RORA: variants seen among roughly 807,000 people sequenced by gnomAD.
RORA encodes the protein RAR related orphan receptor A.
In RORA, 7 loss-of-function variants were observed where a neutral mutation model predicts 69.5. The observed-to-expected ratio is 0.10, with a 90% CI of 0.06 to 0.19. The LOEUF is 0.19. Among genes scored for constraint, RORA ranks in the 10% least tolerant of loss-of-function variants. The pLI is 1.00. For missense variants in RORA, 457 were observed against 663.0 expected (o/e 0.69, Z 3.41); for synonymous variants, 261 against 240.8 (o/e 1.08, Z -0.78).
intron 1 of RORA, among the ~76,000 whole-genome samples, chr15:60,912,395 C>T (rs1891753334): frequency 6.6e-6 from 1 of 151,968 alleles, no homozygotes; most frequent in African/African-American, 2.4e-5. Flanking sequence ...CTATTCCATC[C>T]AGCCTGGGCA....
chr15:60,855,243 A>G lies in RORA; in HGVS notation c.167-176557T>C, dbSNP rs1299659358. Among the ~76,000 whole-genome samples, 4 of 152,204 alleles carry G rather than the reference A, an allele frequency of 2.6e-5. No homozygotes were observed. The East Asian group carries it at 5.8e-4, about 22-fold the overall frequency. On this transcript the variant is annotated intron_variant, in intron 1 of 10. Coordinates refer to ENST00000335670, the MANE Select transcript of RORA (RefSeq NM_134261.3). ...GGAATGAGACGTCTCCTGGCCTTTC[A>G]TGTTGCAAACTAGATGGAGAGACAC...
At chr15:60,625,616 T>A (rs938091292) in intron 2 of RORA, among the ~76,000 whole-genome samples, 3 of 152,248 alleles carry the variant, frequency 2.0e-5, no homozygotes, top group Non-Finnish European at 2.9e-5. Flanking sequence ...TATCATACAG[T>A]TGTTAAAAAG....
At chr15:61,157,135 T>C (rs1479154784) in intron 1 of RORA, among the ~76,000 whole-genome samples, 2 of 152,212 alleles carry the variant, frequency 1.3e-5, no homozygotes, top group Non-Finnish European at 2.9e-5. Flanking sequence ...ACTTAGTAAA[T>C]GTTCGCAGGA....
chr15:60,863,693 T>G (rs968875672), intron 1 of RORA, among the ~76,000 whole-genome samples: 5 of 152,264 alleles, frequency 3.3e-5, no homozygotes, highest in African/African-American at 1.2e-4. Context: ...TTAAACTGTT[T>G]AGTAGACTGT....
At chr15:60,646,233 A>G (rs1021244825) in intron 2 of RORA, among the ~76,000 whole-genome samples, 5 of 152,248 alleles carry the variant, frequency 3.3e-5, no homozygotes, top group Non-Finnish European at 5.9e-5. Flanking sequence ...AACCTCTACC[A>G]TAGCTGCCCA....
intron 1 of RORA, among the ~76,000 whole-genome samples, chr15:61,014,503 C>CT (rs1216998580): frequency 6.6e-6 from 1 of 152,154 alleles, no homozygotes. Context: ...ATTGAGGTCA[C>CT]TTTGACTTCT....
intron 1 of RORA, among the ~76,000 whole-genome samples, chr15:61,129,751 C>T (rs752063643): frequency 4.6e-5 from 7 of 152,200 alleles, no homozygotes; most frequent in Non-Finnish European, 1.0e-4. Context: ...AAGAGAAGGA[C>T]AATGCTTCCA....
chr15:60,808,848 C>T (rs906797023), intron 1 of RORA, among the ~76,000 whole-genome samples: 1 of 151,758 alleles, frequency 6.6e-6, no homozygotes, highest in Non-Finnish European at 1.5e-5. Flanking sequence ...TTTGCAGCAA[C>T]GTGGAAGGAA....
At chr15:61,137,090 A>AGAAAGAAG (rs2079252144) in intron 1 of RORA, among the ~76,000 whole-genome samples, 2 of 148,894 alleles carry the variant, frequency 1.3e-5, no homozygotes, top group African/African-American at 5.0e-5. Context: ...AAAGAAAGAA[A>AGAAAGAAG]GAAAGAAAGA....
At chr15:60,613,129 CA>C (rs1323812740) in intron 2 of RORA, among the ~76,000 whole-genome samples, 1 of 151,890 alleles carries the variant, frequency 6.6e-6, no homozygotes, top group Non-Finnish European at 1.5e-5. Flanking sequence ...TTAAGAGAAA[CA>C]GGTCAGATGC....
At chr15:61,192,516 T>C (rs895145499) in intron 1 of RORA, among the ~76,000 whole-genome samples, 11 of 152,204 alleles carry the variant, frequency 7.2e-5, no homozygotes, top group Non-Finnish European at 1.3e-4. Context: ...AGGACCTCTC[T>C]GCAGCTCAGC....
At chr15:60,600,134 G>A (rs941937880) in intron 2 of RORA, among the ~76,000 whole-genome samples, 1 of 152,086 alleles carries the variant, frequency 6.6e-6, no homozygotes, top group South Asian at 2.1e-4. Context: ...ATTTTTTAAA[G>A]AACTATCTTA....
chr15:60,941,552 G>A (rs1892697461), intron 1 of RORA, among the ~76,000 whole-genome samples: 1 of 152,244 alleles, frequency 6.6e-6, no homozygotes, highest in South Asian at 2.1e-4. Context: ...CTCGGGCTGA[G>A]TTCCCTGTCT....
chr15:60,724,872 A>T (rs1411835854), intron 1 of RORA, among the ~76,000 whole-genome samples: 2 of 152,128 alleles, frequency 1.3e-5, no homozygotes, highest in Non-Finnish European at 2.9e-5. Flanking sequence ...CCTCCCAGAG[A>T]GGTGCTCCCA....
At chr15:60,622,425 G>A (rs934730000) in intron 2 of RORA, among the ~76,000 whole-genome samples, 6 of 151,978 alleles carry the variant, frequency 3.9e-5, no homozygotes, top group African/African-American at 1.5e-4. Context: ...CCAGCCTGGG[G>A]AACATGTGAA....
At chr15:60,685,314 C>G (rs550211904) in intron 1 of RORA, among the ~76,000 whole-genome samples, 1 of 152,350 alleles carries the variant, frequency 6.6e-6, no homozygotes, top group Admixed American at 6.5e-5. Context: ...TTCTTTTTGA[C>G]TTCCTCATTG....
At chr15:61,109,151 G>A (rs577204553) in intron 1 of RORA, among the ~76,000 whole-genome samples, 57 of 152,238 alleles carry the variant, frequency 3.7e-4, no homozygotes, top group African/African-American at 1.2e-3. Context: ...AGCCTAGATC[G>A]CGCCACTACA....
At chr15:60,880,125 A>C (rs1387963669) in intron 1 of RORA, among the ~76,000 whole-genome samples, 4 of 152,178 alleles carry the variant, frequency 2.6e-5, no homozygotes. Flanking sequence ...CTTTCTTCTG[A>C]CCAATCACAT....
intron 1 of RORA, among the ~76,000 whole-genome samples, chr15:61,144,457 A>C (rs1304787217): frequency 6.6e-6 from 1 of 152,220 alleles, no homozygotes; most frequent in East Asian, 1.9e-4. Flanking sequence ...GAGGACTGAG[A>C]ACTTGGGTCC....
Sources: gnomAD v4.1 joint callset for allele counts (sites outside exome capture counted in the v4.1 genomes callset) on GRCh38, gnomAD v4.1.1 for gene constraint, MANE v1.5 for transcripts, NCBI Gene and HGNC (gene_info 2026-07-23, HGNC 2026-07-21) for gene names.